The following TNFSF10 variants were observed in gnomAD, a reference collection of about 807,000 sequenced individuals.
The protein encoded by TNFSF10 is TNF superfamily member 10.
Under a neutral mutation model 29.5 loss-of-function variants are expected in TNFSF10, and 13 were observed. The observed-to-expected ratio is 0.44, with a 90% CI of 0.29 to 0.70. The LOEUF is 0.70. TNFSF10 is among the 30% of genes least tolerant of loss of function. The pLI is 0.13. For missense variants in TNFSF10, 345 were observed against 330.9 expected (o/e 1.04, Z -0.33); for synonymous variants, 111 against 112.8 (o/e 0.98, Z 0.10).
intron 2 of TNFSF10, among the ~76,000 whole-genome samples, chr3:172,514,626 C>T (rs997481536): frequency 6.6e-6 from 1 of 152,124 alleles, no homozygotes; most frequent in African/African-American, 2.4e-5. Flanking sequence ...GGAGGCTGTC[C>T]GGGGCAGAGG....
At chr3:172,515,916 G>A (rs916389998) in intron 1 of TNFSF10, among the ~76,000 whole-genome samples, 1 of 152,058 alleles carries the variant, frequency 6.6e-6, no homozygotes, top group South Asian at 2.1e-4. Flanking sequence ...CTTCTCTTCC[G>A]TTTTGTTTTG....
At chr3:172,508,886 T>C (rs1713105388) in intron 4 of TNFSF10, among the ~76,000 whole-genome samples, 1 of 71,714 alleles carries the variant, frequency 1.4e-5, no homozygotes. Context: ...TGAAACTCTG[T>C]CTAAAAAAAA....
chr3:172,516,108 C>T (rs568722088), intron 1 of TNFSF10, among the ~76,000 whole-genome samples: 8 of 151,940 alleles, frequency 5.3e-5, no homozygotes, highest in African/African-American at 1.9e-4. Context: ...TAAAAAAATA[C>T]AAAAAATTAG....
intron 1 of TNFSF10, chr3:172,517,795 T>G (rs1180563173): frequency 1.0e-6 from 1 of 982,238 alleles, no homozygotes; most frequent in African/African-American, 1.7e-5. Flanking sequence ...TATAGAAAAA[T>G]AAAAAGGAAA....
intron 1 of TNFSF10, among the ~76,000 whole-genome samples, chr3:172,520,087 G>A (rs866943157): frequency 5.3e-5 from 8 of 152,256 alleles, no homozygotes; most frequent in East Asian, 1.9e-4. Context: ...AGGATCTGAC[G>A]TTCCTTGCAG....
intron 3 of TNFSF10, 106 bp downstream of exon 3, chr3:172,511,511 G>A (rs3136595): frequency 0.016 from 14,093 of 887,454 alleles, 160 homozygotes; most frequent in Non-Finnish European, 0.017. Context: ...GCAGATCAGA[G>A]GATGGATGAG....
intron 1 of TNFSF10, among the ~76,000 whole-genome samples, chr3:172,521,647 C>T (rs142091548): frequency 0.013 from 1,971 of 152,160 alleles, 39 homozygotes; most frequent in African/African-American, 0.045. Context: ...TGTGGCAATT[C>T]CTCAAGGAAC....
At chr3:172,522,254 G>A (rs1341928827) in intron 1 of TNFSF10, 2 of 602,692 alleles carry the variant, frequency 3.3e-6, no homozygotes, top group Non-Finnish European at 6.2e-6. Flanking sequence ...AATTCACAAA[G>A]AGCAATAGAC....
At chr3:172,519,560 A>G (rs1312384061) in intron 1 of TNFSF10, among the ~76,000 whole-genome samples, 1 of 152,246 alleles carries the variant, frequency 6.6e-6, no homozygotes, top group Admixed American at 6.5e-5. Flanking sequence ...TTAAAGCTAA[A>G]GGTATGATTA....
At chr3:172,523,137 C>T in intron 1 of TNFSF10, 116 bp downstream of exon 1, 3 of 1,301,640 alleles carry the variant, frequency 2.3e-6, no homozygotes, top group East Asian at 2.5e-5. Context: ...TAGAGTGTAC[C>T]CACAGAGAAA....
At chr3:172,514,081 C>T (rs3774313) in intron 2 of TNFSF10, among the ~76,000 whole-genome samples, 34,484 of 152,034 alleles carry the variant, frequency 0.23, 4,444 homozygotes, top group Middle Eastern at 0.44. Flanking sequence ...TCAGGTGATC[C>T]GCCTGCCTCA....
At chr3:172,509,352 A>G in intron 3 of TNFSF10, 31 bp from the exon 4 acceptor site, 1 of 1,568,994 alleles carries the variant, frequency 6.4e-7, no homozygotes, top group Non-Finnish European at 8.8e-7. Flanking sequence ...GGTCATCAAC[A>G]CTTGCCAAAC....
chr3:172,516,728 C>T (rs1293220090), intron 1 of TNFSF10, among the ~76,000 whole-genome samples: 4 of 152,166 alleles, frequency 2.6e-5, no homozygotes, highest in African/African-American at 9.7e-5. Context: ...CATTTCCTTG[C>T]CCCTGCCTGC....
intron 2 of TNFSF10, 34 bp downstream of exon 2, chr3:172,514,827 C>T (rs1713363312): frequency 2.2e-5 from 35 of 1,610,430 alleles, no homozygotes; most frequent in Non-Finnish European, 2.8e-5. Flanking sequence ...GCCTTCTCCG[C>T]CTGCTGGTGA....
rs1238522627 is a variant in TNFSF10, at chr3:172,507,765, C to A, written c.419-846G>T. On this transcript the variant is annotated intron_variant, in intron 4 of 4. Coordinates refer to ENST00000241261, the MANE Select transcript of TNFSF10 (RefSeq NM_003810.4). Reference sequence around the variant, plus strand: ...AGGCAACTACCCAGAAGAAACTAAACCAACCAACCAACCCCAAACCCCCAA... The same window carrying A: ...AGGCAACTACCCAGAAGAAACTAAAACAACCAACCAACCCCAAACCCCCAA... Among the ~76,000 whole-genome samples, 3 of 152,248 alleles carry A rather than the reference C, an allele frequency of 2.0e-5. No individual in the cohort carries two copies. The East Asian group carries it at 5.8e-4, about 29-fold the overall frequency.
At position 172,506,767 on chromosome 3, in the gene TNFSF10, G is replaced by A. The variant is rs200693533; in HGVS notation, c.571C>T (p.Arg191Ter). ...FYYIYSQTYFRFQEEIKENTK... is the reference protein window; with the variant it reads ...FYYIYSQTYF ...TTTTCTTTTATTTCCTCCTGAAATCGAAAGTATGTTTGGGAATAGATGTAG... is the reference window on the plus strand; with the variant it reads ...TTTTCTTTTATTTCCTCCTGAAATCAAAAGTATGTTTGGGAATAGATGTAG... Residue 191 changes from arginine to a stop codon, truncating the protein, a stop_gained, in exon 5 of 5, where the codon CGA (arginine) becomes TGA (stop). Transcript: ENST00000241261. LOFTEE classifies it high-confidence loss of function. The A allele has an allele frequency of 8.1e-6, 13 of 1,613,954 alleles. No homozygotes were observed. The highest frequency in any genetic ancestry group is 2.2e-5 in the East Asian group (1 of 44,892).
At chr3:172,510,549 C>A (rs1713178506) in intron 3 of TNFSF10, among the ~76,000 whole-genome samples, 1 of 152,140 alleles carries the variant, frequency 6.6e-6, no homozygotes, top group South Asian at 2.1e-4. Flanking sequence ...AAAAAAGAAA[C>A]CTGCAAATAT....
chr3:172,511,001 C>A (rs977338418), intron 3 of TNFSF10, among the ~76,000 whole-genome samples: 1 of 152,082 alleles, frequency 6.6e-6, no homozygotes, highest in Non-Finnish European at 1.5e-5. Context: ...GTGACAATTA[C>A]GTGAGCTGTA....
At chr3:172,518,700 A>G (rs1290795621) in intron 1 of TNFSF10, among the ~76,000 whole-genome samples, 1 of 152,230 alleles carries the variant, frequency 6.6e-6, no homozygotes, top group Non-Finnish European at 1.5e-5. Context: ...CTTACACCCT[A>G]TAATCCTTGC....
Sources: gnomAD v4.1 joint callset for allele counts (sites outside exome capture counted in the v4.1 genomes callset) on GRCh38, gnomAD v4.1.1 for gene constraint, MANE v1.5 for transcripts, NCBI Gene and HGNC (gene_info 2026-07-23, HGNC 2026-07-21) for gene names.